GDAP1: variants seen among roughly 807,000 people sequenced by gnomAD.
The protein encoded by GDAP1 is ganglioside-induced differentiation-associated protein 1.
In GDAP1, 34 loss-of-function variants were observed where a neutral mutation model predicts 40.1. The observed-to-expected ratio is 0.85, with a 90% CI of 0.64 to 1.13. The LOEUF is 1.13. GDAP1 is among the 50% of genes most tolerant of loss of function. The pLI, the probability that GDAP1 is intolerant of heterozygous loss-of-function variation, is 0.00. For missense variants in GDAP1, 374 were observed against 433.7 expected (o/e 0.86, Z 1.22); for synonymous variants, 170 against 157.4 (o/e 1.08, Z -0.60).
chr8:74,397,714 T>C (rs1242546587), intron 2 of GDAP1, among the ~76,000 whole-genome samples: 2 of 152,154 alleles, frequency 1.3e-5, no homozygotes, highest in Non-Finnish European at 2.9e-5. Flanking sequence ...CATTGATCTA[T>C]ATCTCTGTTT....
In GDAP1 at chr8:74,414,986, T is replaced by C. The variant is rs541646197; in HGVS notation, c.165+63665T>C. Among the ~76,000 whole-genome samples the C allele has an allele frequency of 2.7e-5, 4 of 150,264 alleles. No homozygotes were observed. The South Asian group carries it at 8.3e-4, about 31-fold the overall frequency. On this transcript the variant is annotated intron_variant, in intron 2 of 2. Transcript: ENST00000523640. ...GGAAAATAACTCCAGTGATGGTTGATTCTAATTCAACACCAGGGAGGGCAG... is the reference window on the plus strand; with the variant it reads ...GGAAAATAACTCCAGTGATGGTTGACTCTAATTCAACACCAGGGAGGGCAG...
chr8:74,372,613 G>T (rs1809774102), intron 2 of GDAP1, among the ~76,000 whole-genome samples: 1 of 152,100 alleles, frequency 6.6e-6, no homozygotes, highest in East Asian at 1.9e-4. Flanking sequence ...TTTTGATGGG[G>T]TTTGATTTTT....
intron 2 of GDAP1, among the ~76,000 whole-genome samples, chr8:74,449,070 T>C (rs960006915): frequency 4.6e-5 from 7 of 151,944 alleles, no homozygotes; most frequent in Admixed American, 1.3e-4. Flanking sequence ...TCTATGTATT[T>C]ATCTGGGTCT....
At position 74,402,322 on chromosome 8, in the gene GDAP1, A is replaced by G. The variant is rs1041055660; in HGVS notation, c.165+51001A>G. Among the ~76,000 whole-genome samples, 3 of 150,316 alleles carry G rather than the reference A, an allele frequency of 2.0e-5. 1 individual carries two copies. The highest frequency in any genetic ancestry group is 7.6e-5 in the African/African-American group (3 of 39,616). On this transcript the variant is annotated intron_variant, in intron 2 of 2. Coordinates refer to the GDAP1 transcript ENST00000523640. ...TTGATCTCAGACAGCAGTGCTAGCA[A>G]TCAGCGAGACTCCGTGGGCGTAGGA...
chr8:74,370,148 G>A (rs1809723609), downstream of GDAP1, among the ~76,000 whole-genome samples: 1 of 152,222 alleles, frequency 6.6e-6, no homozygotes, highest in South Asian at 2.1e-4. Flanking sequence ...AAGAAAAGTA[G>A]TGCCAGGAAT....
Position 74,364,978 on chromosome 8 carries a change from G to C in GDAP1, c.*611G>C. 2.2e-6 allele frequency: 1 copy of C among 454,082 alleles called. No individual in the cohort carries two copies. The highest frequency in any genetic ancestry group is 4.4e-6 in the Non-Finnish European group (1 of 226,788). The allele number at this position is 454,082 out of a possible 1,614,324, so 28.1% of individuals were successfully genotyped here. A position where few individuals can be genotyped will look rare whatever the true frequency, so the allele number is the denominator to read the frequency against. ...ATTAAGATGATTCCTTACCATTTCA[G>C]ATGGTCCGCAATTTGAATTACCAAG... On this transcript the variant is annotated 3_prime_UTR_variant, in exon 6 of 6. Coordinates refer to ENST00000220822, the MANE Select transcript of GDAP1 (RefSeq NM_018972.4).
intron 2 of GDAP1, among the ~76,000 whole-genome samples, chr8:74,485,501 A>G (rs914652359): frequency 1.3e-5 from 2 of 152,198 alleles, no homozygotes; most frequent in African/African-American, 4.8e-5. Context: ...GCTGTCATAC[A>G]GCATTTAAAC....
intron 2 of GDAP1, among the ~76,000 whole-genome samples, chr8:74,449,658 G>T (rs1388078774): frequency 6.6e-6 from 1 of 151,638 alleles, no homozygotes. Flanking sequence ...AGTGTATCCT[G>T]CAACTTTACT....
At chr8:74,380,700 C>T (rs562624666) in intron 2 of GDAP1, among the ~76,000 whole-genome samples, 1 of 152,056 alleles carries the variant, frequency 6.6e-6, no homozygotes, top group Admixed American at 6.6e-5. Context: ...ACTTAGGACA[C>T]CATTTAAAAG....
intron 2 of GDAP1, among the ~76,000 whole-genome samples, chr8:74,432,967 C>T (rs1806045696): frequency 6.6e-6 from 1 of 152,192 alleles, no homozygotes; most frequent in Non-Finnish European, 1.5e-5. Flanking sequence ...GCTTTTCTGA[C>T]ATCATATCTT....
intron 2 of GDAP1, among the ~76,000 whole-genome samples, chr8:74,385,875 C>T (rs183427825): frequency 1.3e-3 from 193 of 152,212 alleles, no homozygotes; most frequent in African/African-American, 4.1e-3. Flanking sequence ...TTAATGATCA[C>T]CATTCTAATT....
At chr8:74,373,791 A>T (rs535883858) in intron 2 of GDAP1, among the ~76,000 whole-genome samples, 1 of 152,118 alleles carries the variant, frequency 6.6e-6, no homozygotes, top group African/African-American at 2.4e-5. Flanking sequence ...TTCCAACACT[A>T]TGTCGAATAG....
chr8:74,450,681 A>G (rs1806290860), intron 2 of GDAP1, among the ~76,000 whole-genome samples: 1 of 86,502 alleles, frequency 1.2e-5, no homozygotes, highest in African/African-American at 4.9e-5. Flanking sequence ...TTTATCTGTA[A>G]AGTATATATC....
At chr8:74,457,126 A>G (rs1023690082) in intron 2 of GDAP1, among the ~76,000 whole-genome samples, 3 of 152,110 alleles carry the variant, frequency 2.0e-5, no homozygotes, top group African/African-American at 7.2e-5. Flanking sequence ...ATTATATTCA[A>G]GACCCCTTTT....
intron 2 of GDAP1, among the ~76,000 whole-genome samples, chr8:74,443,154 C>G (rs964077648): frequency 2.6e-5 from 4 of 152,096 alleles, no homozygotes; most frequent in Admixed American, 1.3e-4. Flanking sequence ...GAAGGAAGTG[C>G]CCAGTGAGCC....
At chr8:74,416,333 G>C (rs1409848847) in intron 2 of GDAP1, among the ~76,000 whole-genome samples, 2 of 150,142 alleles carry the variant, frequency 1.3e-5, no homozygotes, top group East Asian at 3.9e-4. Flanking sequence ...CCTCCCCTGG[G>C]TAACATGAGG....
intron 2 of GDAP1, among the ~76,000 whole-genome samples, chr8:74,458,596 G>T (rs933362416): frequency 2.6e-5 from 4 of 152,160 alleles, no homozygotes; most frequent in Non-Finnish European, 4.4e-5. Context: ...AATTGTGTTT[G>T]TTTCTTCTTG....
Position 74,400,108 on chromosome 8 carries a change from T to A in GDAP1, c.165+48787T>A, listed in dbSNP as rs950148747. Among the ~76,000 whole-genome samples, 4 of 149,210 alleles carry A rather than the reference T, an allele frequency of 2.7e-5. 2 individuals are homozygous for A. The highest frequency in any genetic ancestry group is 1.0e-4 in the African/African-American group (4 of 38,618). The stretch of plus-strand genomic sequence containing the variant: ...GAGTTCAATTCCTGGGTATCCTTGT[T>A]GACTTGCTGTCTCGTTGATCTGTCT... On this transcript the variant is annotated intron_variant, in intron 2 of 2. Coordinates refer to the GDAP1 transcript ENST00000523640.
At chr8:74,435,501 T>G (rs1448861090) in intron 2 of GDAP1, among the ~76,000 whole-genome samples, 2 of 152,166 alleles carry the variant, frequency 1.3e-5, no homozygotes, top group East Asian at 3.8e-4. Context: ...AGAAGAAGCT[T>G]GAATAATAAA....
Sources: allele counts gnomAD v4.1 joint callset (sites outside exome capture counted in the v4.1 genomes callset), GRCh38; gene constraint gnomAD v4.1.1; transcripts MANE v1.5; gene names NCBI Gene and HGNC (gene_info 2026-07-23, HGNC 2026-07-21).